Variants in PLA2G12A observed in about 807,000 individuals in gnomAD.
The protein encoded by PLA2G12A is group XIIA secretory phospholipase A2.
Under a neutral mutation model 16.0 loss-of-function variants are expected in PLA2G12A, and 11 were observed. The ratio of observed to expected loss-of-function variants is 0.69; its 90% CI spans 0.43 to 1.13. The LOEUF (loss-of-function observed/expected upper bound fraction) is 1.13. PLA2G12A is among the 50% of genes most tolerant of loss of function. PLA2G12A has a pLI of 0.00. For synonymous variants in PLA2G12A, 77 were observed against 93.8 expected (o/e 0.82, Z 1.03); for missense variants, 214 against 237.3 (o/e 0.90, Z 0.65).
chr4:109,729,827 C>G lies in PLA2G12A; in HGVS notation c.-18G>C, dbSNP rs1349811630. The G allele has an allele frequency of 6.5e-7, 1 of 1,542,756 alleles. No individual in the cohort carries two copies. Among genetic ancestry groups the G allele is most frequent in the Admixed American group, 2.0e-5 (1 of 50,296 alleles). ...AGGGCCATGCGCGCAGCGCCGGGCT[C>G]TACGGGTCCCCGAGCCGCGGCGCGG... On this transcript the variant is annotated 5_prime_UTR_variant, in exon 1 of 4. Transcript: ENST00000243501.
At chr4:109,715,009 C>A (rs946618481) in intron 3 of PLA2G12A, among the ~76,000 whole-genome samples, 1 of 152,104 alleles carries the variant, frequency 6.6e-6, no homozygotes, top group Non-Finnish European at 1.5e-5. Context: ...TGAGGTCTCA[C>A]TATGTTGCCC....
chr4:109,726,798 C>CA (rs1193968475), intron 1 of PLA2G12A, among the ~76,000 whole-genome samples: 8 of 152,122 alleles, frequency 5.3e-5, no homozygotes, highest in African/African-American at 1.7e-4. Flanking sequence ...ACTTAACTCT[C>CA]AATAAGGCCT....
At chr4:109,724,223 T>A (rs2126168326) in intron 1 of PLA2G12A, among the ~76,000 whole-genome samples, 1 of 152,326 alleles carries the variant, frequency 6.6e-6, no homozygotes, top group South Asian at 2.1e-4. Context: ...CCTCCTGGGT[T>A]CAAGCGATTC....
At chr4:109,720,602 A>AAAAAAAAAAAAT (rs1730917335) in intron 1 of PLA2G12A, among the ~76,000 whole-genome samples, 1 of 21,990 alleles carries the variant, frequency 4.5e-5, no homozygotes, top group Non-Finnish European at 8.3e-5. Flanking sequence ...AAAAAAAAAA[A>AAAAAAAAAAAAT]AAATATATAT....
At chr4:109,728,710 C>T (rs1554024096) in intron 1 of PLA2G12A, among the ~76,000 whole-genome samples, 1 of 152,220 alleles carries the variant, frequency 6.6e-6, no homozygotes, top group Non-Finnish European at 1.5e-5. Flanking sequence ...CAATCAGGTT[C>T]CAACAATGAA....
chr4:109,726,946 T>A (rs1008351217), intron 1 of PLA2G12A, among the ~76,000 whole-genome samples: 2 of 150,866 alleles, frequency 1.3e-5, no homozygotes, highest in African/African-American at 2.4e-5. Flanking sequence ...TTTTTTTTTT[T>A]AAAGCTCTCT....
chr4:109,729,585 C>G lies in PLA2G12A; in HGVS notation c.208+17G>C, dbSNP rs1561274725. ...CCCGAAAGCACGAGCCCTCGCTGGG[C>G]CCGGGTGCCCCCTCACCGTCACTGC... On this transcript the variant is annotated intron_variant, in intron 1 of 3. Transcript: ENST00000243501. 1.9e-6 allele frequency: 3 copies of G among 1,601,560 alleles called. No individual in the cohort carries two copies. The highest frequency in any genetic ancestry group is 2.6e-6 in the Non-Finnish European group (3 of 1,171,850).
chr4:109,725,262 C>G (rs1579126693), intron 1 of PLA2G12A, among the ~76,000 whole-genome samples: 1 of 152,242 alleles, frequency 6.6e-6, no homozygotes, highest in South Asian at 2.1e-4. Context: ...CTGAGAAATT[C>G]TAAAGTATTT....
chr4:109,724,341 T>C (rs1328043768), intron 1 of PLA2G12A, among the ~76,000 whole-genome samples: 1 of 152,132 alleles, frequency 6.6e-6, no homozygotes, highest in Non-Finnish European at 1.5e-5. Flanking sequence ...GTCAGGCTGG[T>C]CTTGAACTCC....
At chr4:109,714,902 T>A (rs984887684) in intron 3 of PLA2G12A, among the ~76,000 whole-genome samples, 6 of 152,062 alleles carry the variant, frequency 3.9e-5, no homozygotes, top group Non-Finnish European at 7.4e-5. Flanking sequence ...TTAATTTAAA[T>A]TTTTTAAATT....
In PLA2G12A at chr4:109,729,798, G is replaced by GA; in HGVS notation, c.11dup (p.Ser5LeufsTer40). The GA allele has an allele frequency of 6.5e-7, 1 of 1,549,746 alleles. No individual in the cohort carries two copies. The highest frequency in any genetic ancestry group is 8.7e-7 in the Non-Finnish European group (1 of 1,147,598). ...GCAGGAGGGTGAGCGCGGGGCGCGA[G>GA]AGCAGGGCCATGCGCGCAGCGCCGG... On this transcript the variant is annotated frameshift_variant, in exon 1 of 4. Transcript: ENST00000243501. LOFTEE classifies it high-confidence loss of function.
At position 109,714,448 on chromosome 4, in the gene PLA2G12A, C is replaced by T; in HGVS notation, c.499G>A (p.Gly167Ser). The T allele has an allele frequency of 6.2e-7, 1 of 1,614,026 alleles. No individual in the cohort carries two copies. The highest frequency in any genetic ancestry group is 1.1e-5 in the South Asian group (1 of 91,082). Residue 167 changes from glycine to serine, a missense_variant, in exon 4 of 4, where the codon GGT (glycine) becomes AGT (serine). Transcript: ENST00000243501. ...ELLFDSVIHL[G>S]CKPYLDSQRA... Reference sequence around the variant, plus strand: ...TGGCTGTCCAGATATGGTTTACAACCTAAATGTATAACACTGTCAAACAAG... The same window carrying T: ...TGGCTGTCCAGATATGGTTTACAACTTAAATGTATAACACTGTCAAACAAG...
intron 1 of PLA2G12A, among the ~76,000 whole-genome samples, chr4:109,727,300 G>A (rs957507545): frequency 6.6e-6 from 1 of 151,698 alleles, no homozygotes; most frequent in Non-Finnish European, 1.5e-5. Flanking sequence ...TAGTAGAGAC[G>A]GGGTTTCACC....
At chr4:109,716,711 C>T (rs1434089690) in intron 3 of PLA2G12A, among the ~76,000 whole-genome samples, 1 of 152,134 alleles carries the variant, frequency 6.6e-6, no homozygotes, top group Non-Finnish European at 1.5e-5. Flanking sequence ...ACCATAATAC[C>T]TCATGGCAGT....
At chr4:109,729,227 A>G (rs775588724) in intron 1 of PLA2G12A, among the ~76,000 whole-genome samples, 6 of 152,200 alleles carry the variant, frequency 3.9e-5, no homozygotes, top group African/African-American at 1.4e-4. Context: ...TCGCATGTTC[A>G]TCCAATTTAC....
At chr4:109,715,184 T>C (rs1456286737) in intron 3 of PLA2G12A, among the ~76,000 whole-genome samples, 1 of 152,194 alleles carries the variant, frequency 6.6e-6, no homozygotes, top group African/African-American at 2.4e-5. Context: ...TTTCTTTTTA[T>C]TTGAAAAACA....
chr4:109,713,472 T>TA lies in PLA2G12A; in HGVS notation c.*904dup, dbSNP rs533866174. On this transcript the variant is annotated 3_prime_UTR_variant, in exon 4 of 4. Transcript: ENST00000243501. Reference sequence around the variant, plus strand: ...ACAGTTAGTAAAAGGTTACAGTCTTTAAAAAATCTACAATAAGGAACAAGT... The same window carrying TA: ...ACAGTTAGTAAAAGGTTACAGTCTTTAAAAAAATCTACAATAAGGAACAAGT... 132 of 152,300 alleles carry TA rather than the reference T, an allele frequency of 8.7e-4. No homozygotes were observed. Among genetic ancestry groups the TA allele is most frequent in the African/African-American group, 3.1e-3 (129 of 41,572 alleles). The allele number at this position is 152,300 out of a possible 1,614,324, so 9.4% of individuals were successfully genotyped here. A position where few individuals can be genotyped will look rare whatever the true frequency, so the allele number is the denominator to read the frequency against.
chr4:109,718,630 GT>G, intron 2 of PLA2G12A, 52 bp downstream of exon 2: 1 of 1,341,778 alleles, frequency 7.5e-7, no homozygotes, highest in South Asian at 1.3e-5. Context: ...ATCACCAAAA[GT>G]ATTACATGAT....
At chr4:109,723,218 A>G (rs1414868769) in intron 1 of PLA2G12A, among the ~76,000 whole-genome samples, 1 of 151,944 alleles carries the variant, frequency 6.6e-6, no homozygotes, top group Non-Finnish European at 1.5e-5. Context: ...GTAGTAAAAA[A>G]AAAAAAATCA....
Sources: gnomAD v4.1 joint callset for allele counts (sites outside exome capture counted in the v4.1 genomes callset) on GRCh38, gnomAD v4.1.1 for gene constraint, MANE v1.5 for transcripts, NCBI Gene and HGNC (gene_info 2026-07-23, HGNC 2026-07-21) for gene names.